Variants in HTR7 observed in about 807,000 individuals in gnomAD.
HTR7 encodes the protein 5-HT-7.
A neutral mutation model predicts 34.0 loss-of-function variants in HTR7; 16 were observed. The observed-to-expected ratio is 0.47, with a 90% CI of 0.32 to 0.71. The LOEUF (loss-of-function observed/expected upper bound fraction) is 0.71. Ranked by LOEUF, HTR7 falls within the 30% of genes least tolerant of loss-of-function variation. The probability of loss-of-function intolerance (pLI) is 0.04; values close to 1 mark genes in which losing one functional copy is unlikely to be tolerated. For missense variants in HTR7, 504 were observed against 625.5 expected, an observed-to-expected ratio of 0.81 and a Z score of 2.07; for synonymous variants, 265 against 260.2, an observed-to-expected ratio of 1.02 and a Z score of -0.18.
rs188046165 is a variant in HTR7, at chr10:90,769,983, G to A, written c.540-20389C>T. 1.0e-3 allele frequency among the ~76,000 whole-genome samples: 155 copies of A among 152,338 alleles called. No homozygotes were observed. In the Middle Eastern group the frequency reaches 0.017, roughly 17 times the overall value. On this transcript the variant is annotated intron_variant, in intron 1 of 3. Transcript: ENST00000336152. ...GAGTGGTGGCAGCAGGAGCCGCTGC[G>A]GGAGCAGCAGTGGCAGTGGCTGGAC...
chr10:90,831,592 G>GCC (rs1160040357), intron 1 of HTR7, among the ~76,000 whole-genome samples: 1 of 152,186 alleles, frequency 6.6e-6, no homozygotes, highest in Non-Finnish European at 1.5e-5. Flanking sequence ...CTGCTGGCTC[G>GCC]CGCAGCCTGC....
At chr10:90,824,716 C>T (rs1564694883) in intron 1 of HTR7, among the ~76,000 whole-genome samples, 1 of 152,206 alleles carries the variant, frequency 6.6e-6, no homozygotes, top group African/African-American at 2.4e-5. Flanking sequence ...CTTAAGTGAA[C>T]ATCAGTGGTA....
At chr10:90,829,805 T>C (rs1045128311) in intron 1 of HTR7, among the ~76,000 whole-genome samples, 5 of 152,072 alleles carry the variant, frequency 3.3e-5, no homozygotes, top group Non-Finnish European at 1.5e-5. Context: ...TATACAGAAA[T>C]CAGTAGCATT....
At chr10:90,780,423 G>T (rs1198062414) in intron 1 of HTR7, among the ~76,000 whole-genome samples, 1 of 151,660 alleles carries the variant, frequency 6.6e-6, no homozygotes, top group Non-Finnish European at 1.5e-5. Flanking sequence ...TGTAATCCCA[G>T]CTACTCGGGA....
chr10:90,855,654 C>T (rs534942944), intron 1 of HTR7, among the ~76,000 whole-genome samples: 1 of 152,304 alleles, frequency 6.6e-6, no homozygotes, highest in South Asian at 2.1e-4. Flanking sequence ...CCAGTTGCCA[C>T]AGTCAGACTG....
At chr10:90,825,889 A>C (rs1846065020) in intron 1 of HTR7, among the ~76,000 whole-genome samples, 1 of 152,214 alleles carries the variant, frequency 6.6e-6, no homozygotes, top group Non-Finnish European at 1.5e-5. Context: ...GGCAAGTTTA[A>C]GAGTCACTGG....
intron 1 of HTR7, among the ~76,000 whole-genome samples, chr10:90,776,045 T>C (rs1014828385): frequency 1.7e-4 from 26 of 152,228 alleles, no homozygotes; most frequent in African/African-American, 5.1e-4. Context: ...ATTTCTTGCA[T>C]AAATTCTTTT....
chr10:90,833,174 G>A (rs553785947), intron 1 of HTR7, among the ~76,000 whole-genome samples: 2 of 152,286 alleles, frequency 1.3e-5, no homozygotes, highest in Non-Finnish European at 2.9e-5. Context: ...AAATGGATAT[G>A]AACCAAAGTA....
intron 1 of HTR7, among the ~76,000 whole-genome samples, chr10:90,800,433 C>T (rs190776509): frequency 2.7e-4 from 41 of 152,248 alleles, no homozygotes; most frequent in African/African-American, 6.0e-4. Flanking sequence ...AGATTAGCCA[C>T]GCCTTACTAT....
chr10:90,742,245 G>A lies in HTR7; in HGVS notation c.*237C>T, dbSNP rs1844562665. The A allele has an allele frequency of 5.7e-6, 2 of 350,066 alleles. No individual in the cohort carries two copies. The highest frequency in any genetic ancestry group is 2.1e-5 in the African/African-American group (1 of 47,080). The allele number at this position is 350,066 out of a possible 1,614,324, so 21.7% of individuals were successfully genotyped here. A position where few individuals can be genotyped will look rare whatever the true frequency, so the allele number is the denominator to read the frequency against. On this transcript the variant is annotated 3_prime_UTR_variant, in exon 4 of 4. Coordinates refer to ENST00000336152, the MANE Select transcript of HTR7 (RefSeq NM_019859.4). ...ACTCAGTTCTGTTGGTGTGCTTACT[G>A]CTGAGATGATCTGCTATCTTAAACT... is the stretch of plus-strand genomic sequence containing the variant.
At chr10:90,743,987 GA>G in intron 2 of HTR7, 1 of 553,168 alleles carries the variant, frequency 1.8e-6, no homozygotes, top group South Asian at 1.6e-5. Context: ...AAATATTTGG[GA>G]GTAGGAACAG....
chr10:90,834,028 G>A (rs188147194), intron 1 of HTR7, among the ~76,000 whole-genome samples: 85 of 152,282 alleles, frequency 5.6e-4, no homozygotes, highest in African/African-American at 1.9e-3. Flanking sequence ...AAATTACAAG[G>A]ATAGGTAAAA....
chr10:90,748,787 C>G, intron 2 of HTR7, 52 bp downstream of exon 2: 1 of 1,528,350 alleles, frequency 6.5e-7, no homozygotes, highest in South Asian at 1.3e-5. Context: ...CCTCAAAAAG[C>G]TGCATAAAAG....
intron 1 of HTR7, among the ~76,000 whole-genome samples, chr10:90,827,762 C>T (rs1846100960): frequency 1.3e-5 from 2 of 152,116 alleles, no homozygotes; most frequent in African/African-American, 2.4e-5. Context: ...GAGAGATAAA[C>T]CCCAATACAA....
rs867096969 is a variant in HTR7, at chr10:90,742,494, C to T, written c.1428G>A (p.Met476Ile). Residue 476 changes from methionine to isoleucine, a missense_variant, in exon 4 of 4, where the codon ATG becomes ATA. By Grantham distance (10) the Met-to-Ile change is conservative (BLOSUM62 1). Coordinates refer to ENST00000336152, the MANE Select transcript of HTR7 (RefSeq NM_019859.4). Reference sequence around the variant, plus strand: ...CATTGTTCTGCTTTCAATCATGAATCATGACCTTTTTTTCTACAGTAGTCA... The same window carrying T: ...CATTGTTCTGCTTTCAATCATGAATTATGACCTTTTTTTCTACAGTAGTCA... ...KMLTTVEKKV[M>I]IHD The T allele has an allele frequency of 6.2e-7, 1 of 1,600,742 alleles. No homozygotes were observed.
At chr10:90,802,712 C>T (rs999050603) in intron 1 of HTR7, among the ~76,000 whole-genome samples, 7 of 152,214 alleles carry the variant, frequency 4.6e-5, no homozygotes, top group South Asian at 2.1e-4. Flanking sequence ...ACTCAAACTG[C>T]CTGCTTTTGA....
At chr10:90,816,121 C>T (rs894006063) in intron 1 of HTR7, among the ~76,000 whole-genome samples, 1 of 152,180 alleles carries the variant, frequency 6.6e-6, no homozygotes, top group Non-Finnish European at 1.5e-5. Context: ...CCTAGGACTG[C>T]GTCTGAAGCT....
At position 90,780,680 on chromosome 10, in the gene HTR7, A is replaced by C. The variant is rs185668546; in HGVS notation, c.540-31086T>G. Among the ~76,000 whole-genome samples, 288 of 152,328 alleles carry C rather than the reference A, an allele frequency of 1.9e-3. 2 individuals are homozygous for C. The highest frequency in any genetic ancestry group is 0.011 in the South Asian group (53 of 4,826). The stretch of plus-strand genomic sequence containing the variant: ...GAAACAGTGAGAGGCACAACACCAC[A>C]GGGCAGTGGAACAGACCCACACTCA... On this transcript the variant is annotated intron_variant, in intron 1 of 3. Coordinates refer to ENST00000336152, the MANE Select transcript of HTR7 (RefSeq NM_019859.4).
intron 1 of HTR7, among the ~76,000 whole-genome samples, chr10:90,830,370 G>A (rs1159432627): frequency 6.6e-6 from 1 of 152,194 alleles, no homozygotes; most frequent in Non-Finnish European, 1.5e-5. Flanking sequence ...TTTGTAACCA[G>A]ATGAAACACA....
Sources: allele counts gnomAD v4.1 joint callset (sites outside exome capture counted in the v4.1 genomes callset), GRCh38; gene constraint gnomAD v4.1.1; transcripts MANE v1.5; gene names NCBI Gene and HGNC (gene_info 2026-07-23, HGNC 2026-07-21).